THSD7A: variants seen among roughly 807,000 people sequenced by gnomAD.
THSD7A encodes the protein thrombospondin type 1 domain containing 7A, also known as thrombospondin type-1 domain-containing protein 7A.
A neutral mutation model predicts 231.3 loss-of-function variants in THSD7A; 96 were observed. The ratio of observed to expected loss-of-function variants is 0.41; its 90% CI spans 0.35 to 0.49. THSD7A has a LOEUF of 0.49. Ranked by LOEUF, THSD7A falls within the 20% of genes least tolerant of loss-of-function variation. THSD7A has a pLI of 0.05. For synonymous variants in THSD7A, 940 were observed against 743.3 expected, an observed-to-expected ratio of 1.26 and a Z score of -4.30; for missense variants, 2,290 against 2,070.2, an observed-to-expected ratio of 1.11 and a Z score of -2.06.
chr7:11,581,907 A>G (rs1055133449), intron 4 of THSD7A, among the ~76,000 whole-genome samples: 2 of 152,126 alleles, frequency 1.3e-5, no homozygotes, highest in Non-Finnish European at 2.9e-5. Context: ...GTGATCTGTT[A>G]GTCTGCTTAC....
At chr7:11,503,683 A>G (rs1787430000) in intron 6 of THSD7A, among the ~76,000 whole-genome samples, 1 of 152,204 alleles carries the variant, frequency 6.6e-6, no homozygotes. Context: ...GAAGACATAC[A>G]TGTGTCCAAC....
intron 1 of THSD7A, among the ~76,000 whole-genome samples, chr7:11,657,548 T>C (rs914536707): frequency 1.3e-5 from 2 of 151,680 alleles, no homozygotes; most frequent in African/African-American, 4.8e-5. Flanking sequence ...CCTGCTTTAA[T>C]TGTGCTCACC....
At chr7:11,617,842 T>G (rs1781160980) in intron 2 of THSD7A, among the ~76,000 whole-genome samples, 1 of 151,552 alleles carries the variant, frequency 6.6e-6, no homozygotes, top group Non-Finnish European at 1.5e-5. Context: ...TGTCGTGGGG[T>G]AGGGAGAGGA....
intron 1 of THSD7A, among the ~76,000 whole-genome samples, chr7:11,740,435 A>G (rs1176649477): frequency 1.3e-5 from 2 of 151,966 alleles, no homozygotes; most frequent in African/African-American, 4.8e-5. Flanking sequence ...CTGTAACACA[A>G]TTCGGATCTC....
intron 6 of THSD7A, among the ~76,000 whole-genome samples, chr7:11,483,404 T>C (rs568694354): frequency 5.3e-5 from 8 of 152,316 alleles, no homozygotes; most frequent in African/African-American, 1.7e-4. Flanking sequence ...TACTCACTAG[T>C]AAGTAAAGAA....
intron 4 of THSD7A, among the ~76,000 whole-genome samples, chr7:11,579,119 C>T (rs963751210): frequency 1.3e-5 from 2 of 152,104 alleles, no homozygotes; most frequent in African/African-American, 2.4e-5. Flanking sequence ...AATGATGAGA[C>T]CTTTCCAAGA....
chr7:11,812,200 G>T (rs774452711), intron 1 of THSD7A, among the ~76,000 whole-genome samples: 2 of 151,104 alleles, frequency 1.3e-5, no homozygotes, highest in African/African-American at 4.9e-5. Context: ...AGGTTTTTTG[G>T]GAGACACACA....
intron 4 of THSD7A, among the ~76,000 whole-genome samples, chr7:11,555,857 T>TAG: frequency 6.6e-6 from 1 of 151,792 alleles, no homozygotes; most frequent in East Asian, 1.9e-4. Context: ...TAATTTTCTT[T>TAG]GCTTTGATGC....
Position 11,393,465 on chromosome 7 carries a change from T to G in THSD7A, c.4411+8330A>C, listed in dbSNP as rs949527346. Among the ~76,000 whole-genome samples, 81 of 152,266 alleles carry G rather than the reference T, an allele frequency of 5.3e-4. 1 individual carries two copies. Among genetic ancestry groups the G allele is most frequent in the African/African-American group, 1.9e-3 (79 of 41,540 alleles). ...CAAATGCTTCCTCTCCTCCAAAGTA[T>G]CACAACTCTTCGCCAGCAGGGGAAC... On this transcript the variant is annotated intron_variant, in intron 23 of 27. Coordinates refer to ENST00000423059, the MANE Select transcript of THSD7A (RefSeq NM_015204.3).
intron 4 of THSD7A, among the ~76,000 whole-genome samples, chr7:11,560,786 T>G (rs62434492): frequency 0.018 from 2,635 of 143,350 alleles, 35 homozygotes; most frequent in Middle Eastern, 0.031. Flanking sequence ...ACTACGGGTG[T>G]GTTCCTGGTG....
At chr7:11,574,910 A>T (rs1790822320) in intron 4 of THSD7A, among the ~76,000 whole-genome samples, 2 of 152,186 alleles carry the variant, frequency 1.3e-5, no homozygotes, top group South Asian at 4.1e-4. Context: ...CTGGCTTACA[A>T]GTAGTAACCC....
At chr7:11,412,876 A>G in intron 17 of THSD7A, 76 bp from the exon 18 acceptor site, 1 of 1,508,786 alleles carries the variant, frequency 6.6e-7, no homozygotes, top group Non-Finnish European at 9.0e-7. Flanking sequence ...ACAGCACTGG[A>G]GCAGGAGTTA....
At chr7:11,493,179 G>A (rs1165468480) in intron 6 of THSD7A, among the ~76,000 whole-genome samples, 4 of 152,100 alleles carry the variant, frequency 2.6e-5, no homozygotes, top group Non-Finnish European at 4.4e-5. Context: ...CAAAGAAAGT[G>A]TCTATTAATC....
chr7:11,549,488 T>C (rs572690140), intron 4 of THSD7A, among the ~76,000 whole-genome samples: 6 of 152,030 alleles, frequency 3.9e-5, no homozygotes, highest in South Asian at 4.1e-4. Flanking sequence ...CTCATGTTCA[T>C]TGCAGCACTA....
intron 1 of THSD7A, among the ~76,000 whole-genome samples, chr7:11,777,661 G>C (rs910688241): frequency 1.3e-5 from 2 of 152,094 alleles, no homozygotes; most frequent in African/African-American, 4.8e-5. Context: ...TCTAATTCTA[G>C]AATTCCCTAT....
In THSD7A at chr7:11,636,723, A is replaced by G. The variant is rs752078132; in HGVS notation, c.429T>C (p.Pro143=). 4 of 1,613,896 alleles carry G rather than the reference A, an allele frequency of 2.5e-6. No homozygotes were observed. The highest frequency in any genetic ancestry group is 3.4e-6 in the Non-Finnish European group (4 of 1,179,868). The change falls in exon 2 of 28, where the codon CCT becomes CCC. Residue 143 remains proline (P), a synonymous_variant. Coordinates refer to ENST00000423059, the MANE Select transcript of THSD7A (RefSeq NM_015204.3). This position sits in a 1 kb window ranked among gnomAD's most constrained non-coding sequence, Gnocchi z 10.0. The part of the protein sequence containing the change: ...QPVISKSLEK[P]LECIKGEEGI... ...CTTCTTCCCCCTTAATGCACTCAAG[A>G]GGTTTCTCTAGGCTTTTTGAAATCA...
At chr7:11,822,570 T>G (rs1489521950) in intron 1 of THSD7A, among the ~76,000 whole-genome samples, 1 of 152,130 alleles carries the variant, frequency 6.6e-6, no homozygotes, top group African/African-American at 2.4e-5. Context: ...TACCCAGCAG[T>G]TGGATTGATG....
At position 11,513,504 on chromosome 7, in the gene THSD7A, G is replaced by C. The variant is rs148872797; in HGVS notation, c.1822+27915C>G. 2.0e-4 allele frequency among the ~76,000 whole-genome samples: 30 copies of C among 152,182 alleles called. No homozygotes were observed. The East Asian group carries it at 5.8e-3, about 29-fold the overall frequency. ...GACTTGTACATGCCATCATATGGAT[G>C]GACCTTGAAAACGTTATGGTAACTT... On this transcript the variant is annotated intron_variant, in intron 6 of 27. Coordinates refer to ENST00000423059, the MANE Select transcript of THSD7A (RefSeq NM_015204.3).
chr7:11,657,408 T>C (rs188172547), intron 1 of THSD7A, among the ~76,000 whole-genome samples: 1 of 151,682 alleles, frequency 6.6e-6, no homozygotes, highest in East Asian at 2.0e-4. Flanking sequence ...CAGTGGAGCA[T>C]AGACATGGGA....
Sources: allele counts gnomAD v4.1 joint callset (sites outside exome capture counted in the v4.1 genomes callset), GRCh38; gene constraint gnomAD v4.1.1; non-coding constraint Gnocchi (gnomAD v3.1); transcripts MANE v1.5; gene names NCBI Gene and HGNC (gene_info 2026-07-23, HGNC 2026-07-21).